COL8A2: variants seen among roughly 807,000 people sequenced by gnomAD.
The protein encoded by COL8A2 is collagen type VIII alpha 2 chain, also known as collagen alpha-2(VIII) chain.
In COL8A2, 16 loss-of-function variants were observed where a neutral mutation model predicts 24.0. That is an observed-to-expected ratio of 0.67 (90% confidence interval 0.45 to 1.01). The LOEUF (loss-of-function observed/expected upper bound fraction) is 1.01. Among genes scored for constraint, COL8A2 ranks in the 50% least tolerant of loss-of-function variants. The pLI is 0.00. For synonymous variants in COL8A2, 466 were observed against 424.5 expected, an observed-to-expected ratio of 1.10 and a Z score of -1.20; for missense variants, 818 against 942.4, an observed-to-expected ratio of 0.87 and a Z score of 1.73.
intron 2 of COL8A2, among the ~76,000 whole-genome samples, chr1:36,110,382 A>G (rs989128532): frequency 6.6e-6 from 1 of 152,000 alleles, no homozygotes; most frequent in Non-Finnish European, 1.5e-5. Flanking sequence ...TCTAATTTCA[A>G]TTCATCCTGC....
intron 2 of COL8A2, among the ~76,000 whole-genome samples, chr1:36,100,982 C>G (rs1458459497): frequency 6.7e-6 from 1 of 148,446 alleles, no homozygotes; most frequent in Non-Finnish European, 1.5e-5. Context: ...CAAAATCTGC[C>G]TCCCGGGTTC....
At chr1:36,106,723 C>T (rs529754982) in intron 2 of COL8A2, among the ~76,000 whole-genome samples, 2 of 152,100 alleles carry the variant, frequency 1.3e-5, no homozygotes, top group South Asian at 4.1e-4. Context: ...CGCCAAGGAA[C>T]AGCCCCAAGT....
Position 36,098,477 on chromosome 1 carries a change from C to A in COL8A2, c.1204G>T (p.Ala402Ser). 1.3e-6 allele frequency: 2 copies of A among 1,577,392 alleles called. No homozygotes were observed. The highest frequency in any genetic ancestry group is 1.7e-6 in the Non-Finnish European group (2 of 1,162,102). The change falls in exon 4 of 4, where the codon GCT becomes TCT. Residue 402 changes from alanine (A) to serine (S), a missense_variant. By Grantham distance (99) the Ala-to-Ser change is moderately conservative. Coordinates refer to ENST00000397799, the MANE Select transcript of COL8A2 (RefSeq NM_005202.4). The part of the protein sequence containing the change: ...IRGDQGPSGL[A>S]GKPGVPGERG... ...TCACCTGGGACCCCTGGTTTCCCAG[C>A]CAGGCCACTAGGCCCCTGGTCACCT...
Position 36,098,075 on chromosome 1 carries a change from A to G in COL8A2, c.1606T>C (p.Phe536Leu), listed in dbSNP as rs767849878. ...AAGCCTGCGATGCCAGTCTCATCGA[A>G]GGCCCCAGGGGCACCAGGGGGTCCC... ...PPGPPGAPGA[F>L]DETGIAGLHL... Residue 536 changes from phenylalanine to leucine, a missense_variant, in exon 4 of 4, where the codon TTC becomes CTC. Coordinates refer to ENST00000397799, the MANE Select transcript of COL8A2 (RefSeq NM_005202.4). The G allele has an allele frequency of 6.4e-7, 1 of 1,570,588 alleles. No individual in the cohort carries two copies. The highest frequency in any genetic ancestry group is 8.6e-7 in the Non-Finnish European group (1 of 1,163,000).
In COL8A2 at chr1:36,097,737, G is replaced by A. The variant is rs374892980; in HGVS notation, c.1944C>T (p.Tyr648=). 1.3e-5 allele frequency: 21 copies of A among 1,613,656 alleles called. No individual in the cohort carries two copies. Among genetic ancestry groups the A allele is most frequent in the African/African-American group, 8.0e-5 (6 of 74,916 alleles). The stretch of plus-strand genomic sequence containing the variant: ...CCAGGTAGCCCTTCTTGTACTCATC[G>A]TAGGTATAGGTGGCCGGCACGTTGT... The part of the protein sequence containing the change: ...YKNNVPATYT[Y]DEYKKGYLDQ... The change falls in exon 4 of 4, where the codon TAC becomes TAT. Residue 648 remains tyrosine (Y), a synonymous_variant. Transcript: ENST00000397799.
At chr1:36,108,447 G>A (rs962885282) in intron 2 of COL8A2, among the ~76,000 whole-genome samples, 6 of 152,210 alleles carry the variant, frequency 3.9e-5, no homozygotes, top group Non-Finnish European at 8.8e-5. Flanking sequence ...GTAGAAAGAC[G>A]GCAGGGCTGG....
At chr1:36,111,171 C>T (rs1643835784) in intron 2 of COL8A2, among the ~76,000 whole-genome samples, 1 of 152,138 alleles carries the variant, frequency 6.6e-6, no homozygotes, top group Non-Finnish European at 1.5e-5. Flanking sequence ...CAGTCTCCAG[C>T]CTCTCCATCC....
At chr1:36,101,227 T>A (rs574874519) in intron 2 of COL8A2, among the ~76,000 whole-genome samples, 1 of 152,258 alleles carries the variant, frequency 6.6e-6, no homozygotes, top group East Asian at 1.9e-4. Context: ...ACTCTGTGCC[T>A]GTGTCTCCAA....
chr1:36,101,741 A>C (rs1643681284), intron 2 of COL8A2, among the ~76,000 whole-genome samples: 1 of 152,254 alleles, frequency 6.6e-6, no homozygotes, highest in South Asian at 2.1e-4. Context: ...ATTACTCGGC[A>C]ATGAAAATGA....
In COL8A2 at chr1:36,115,073, C is replaced by T. The variant is rs1312625432; in HGVS notation, c.-17+635G>A. On this transcript the variant is annotated intron_variant, in intron 2 of 3. Coordinates refer to ENST00000397799, the MANE Select transcript of COL8A2 (RefSeq NM_005202.4). This position sits in a 1 kb window ranked among gnomAD's most constrained non-coding sequence, Gnocchi z 5.7. ...AGACCTGAGGGCAGCCATGTACCCT[C>T]AGGCAGGTAGCCAGGCAGCTGGCCC... 1.3e-5 allele frequency among the ~76,000 whole-genome samples: 2 copies of T among 152,270 alleles called. No individual in the cohort carries two copies. The highest frequency in any genetic ancestry group is 1.9e-4 in the East Asian group (1 of 5,162).
chr1:36,110,693 T>C (rs1028764942), intron 2 of COL8A2, among the ~76,000 whole-genome samples: 1 of 152,164 alleles, frequency 6.6e-6, no homozygotes, highest in African/African-American at 2.4e-5. Flanking sequence ...GGTTTCACCA[T>C]GTTGGTCAGG....
rs768122602 is a variant in COL8A2 at position 36,097,746 on chromosome 1, G to C, written c.1935C>G (p.Thr645=). 6.2e-7 allele frequency: 1 copy of C among 1,613,002 alleles called. No individual in the cohort carries two copies. Among genetic ancestry groups the C allele is most frequent in the Non-Finnish European group, 8.5e-7 (1 of 1,179,522 alleles). Reference sequence around the variant, plus strand: ...CCTTCTTGTACTCATCGTAGGTATAGGTGGCCGGCACGTTGTTCTTGTACA... The same window carrying C: ...CCTTCTTGTACTCATCGTAGGTATACGTGGCCGGCACGTTGTTCTTGTACA... ...VALYKNNVPA[T]YTYDEYKKGY... is the part of the protein sequence containing the mutation. Residue 645 remains threonine, a synonymous_variant, in exon 4 of 4, where the codon ACC becomes ACG. Coordinates refer to ENST00000397799, the MANE Select transcript of COL8A2 (RefSeq NM_005202.4).
Position 36,096,102 on chromosome 1 carries a change from G to GA in COL8A2, c.*1466dup, listed in dbSNP as rs911414365. 1 of 149,732 alleles carries GA rather than the reference G, an allele frequency of 6.7e-6. No homozygotes were observed. The highest frequency in any genetic ancestry group is 2.4e-5 in the African/African-American group (1 of 40,974). The allele number at this position is 149,732 out of a possible 1,614,324, so 9.3% of individuals were successfully genotyped here. ...GAGCAGTGCAACGAGATCACAGACCGAATGACCCCAGTTCACACTTGGTAC... is the reference window on the plus strand; with the variant it reads ...GAGCAGTGCAACGAGATCACAGACCGAAATGACCCCAGTTCACACTTGGTAC... On this transcript the variant is annotated 3_prime_UTR_variant, in exon 4 of 4. Transcript: ENST00000397799.
chr1:36,108,525 C>T (rs7543855), intron 2 of COL8A2, among the ~76,000 whole-genome samples: 12,374 of 152,256 alleles, frequency 0.081, 641 homozygotes, highest in South Asian at 0.2. Context: ...GCAGTGGCGG[C>T]CTCGGGTAGA....
At chr1:36,110,266 T>TC (rs1643821307) in intron 2 of COL8A2, among the ~76,000 whole-genome samples, 1 of 94,828 alleles carries the variant, frequency 1.1e-5, no homozygotes, top group Admixed American at 9.9e-5. Context: ...TTGCTCTCAT[T>TC]TAAAAAAAAA....
At chr1:36,101,788 A>G (rs893828673) in intron 2 of COL8A2, among the ~76,000 whole-genome samples, 2 of 152,228 alleles carry the variant, frequency 1.3e-5, no homozygotes, top group Non-Finnish European at 2.9e-5. Flanking sequence ...GTATACCTGT[A>G]GTCCCAGCTA....
At position 36,096,688 on chromosome 1, in the gene COL8A2, A is replaced by C. The variant is rs1459132560; in HGVS notation, c.*881T>G. ...GCAGGTGGAAGGGGAGAAAGGGAAG[A>C]GTGCTCATGTTTGCTGATGGTCGAT... On this transcript the variant is annotated 3_prime_UTR_variant, in exon 4 of 4. Coordinates refer to ENST00000397799, the MANE Select transcript of COL8A2 (RefSeq NM_005202.4). The C allele has an allele frequency of 2.0e-5, 3 of 152,298 alleles. No individual in the cohort carries two copies. The highest frequency in any genetic ancestry group is 6.5e-5 in the Admixed American group (1 of 15,284). 9.4% of individuals were successfully genotyped at this position (152,298 alleles called of 1,614,324 possible). A position where few individuals can be genotyped will look rare whatever the true frequency, so the allele number is the denominator to read the frequency against.
At position 36,097,474 on chromosome 1, in the gene COL8A2, C is replaced by A; in HGVS notation, c.*95G>T. The A allele has an allele frequency of 1.8e-6, 2 of 1,081,116 alleles. No individual in the cohort carries two copies. The highest frequency in any genetic ancestry group is 1.5e-5 in the South Asian group (1 of 65,880). 67.0% of individuals were successfully genotyped at this position (1,081,116 alleles called of 1,614,324 possible). ...CAAGGCCACGGCCGCCTCTGTTCAG[C>A]TTTTGTTTTTTTTTCCAGGAGGTTC... On this transcript the variant is annotated 3_prime_UTR_variant, in exon 4 of 4. Transcript: ENST00000397799.
At chr1:36,108,251 T>C (rs916565732) in intron 2 of COL8A2, among the ~76,000 whole-genome samples, 2 of 152,150 alleles carry the variant, frequency 1.3e-5, no homozygotes, top group Non-Finnish European at 2.9e-5. Context: ...GCTCTGGGAT[T>C]AGAGGTGTGC....
Sources: allele counts gnomAD v4.1 joint callset (sites outside exome capture counted in the v4.1 genomes callset), GRCh38; gene constraint gnomAD v4.1.1; non-coding constraint Gnocchi (gnomAD v3.1); transcripts MANE v1.5; gene names NCBI Gene and HGNC (gene_info 2026-07-23, HGNC 2026-07-21).